Variants in TLN2 observed in about 807,000 individuals in gnomAD.
The protein encoded by TLN2 is talin-2.
In TLN2, 118 loss-of-function variants were observed where a neutral mutation model predicts 294.7. The observed-to-expected ratio is 0.40, with a 90% confidence interval of 0.34 to 0.47. The LOEUF (loss-of-function observed/expected upper bound fraction) is 0.47. Among genes scored for constraint, TLN2 ranks in the 20% least tolerant of loss-of-function variants. TLN2 has a pLI of 0.84. For synonymous variants in TLN2, 1,431 were observed against 1,304.5 expected (o/e 1.10, Z -2.09); for missense variants, 3,083 against 3,282.2 (o/e 0.94, Z 1.48).
chr15:62,827,372 G>A (rs1252532041), intron 54 of TLN2, among the ~76,000 whole-genome samples: 2 of 152,178 alleles, frequency 1.3e-5, no homozygotes, highest in Non-Finnish European at 2.9e-5. Context: ...GGTAGTTCCT[G>A]CTTATTTTAG....
intron 1 of TLN2, among the ~76,000 whole-genome samples, chr15:62,456,945 G>A (rs562739287): frequency 6.6e-6 from 1 of 152,224 alleles, no homozygotes; most frequent in East Asian, 1.9e-4. Flanking sequence ...TCAGGGTGGG[G>A]GAGAATTTGA....
Position 62,766,696 on chromosome 15 carries a change from C to T in TLN2, c.5196+274C>T, listed in dbSNP as rs561739263. Among the ~76,000 whole-genome samples the T allele has an allele frequency of 2.0e-5, 3 of 152,290 alleles. No individual in the cohort carries two copies. In the East Asian group the frequency reaches 5.8e-4, roughly 29 times the overall value. On this transcript the variant is annotated intron_variant, in intron 41 of 58. Coordinates refer to ENST00000636159, the MANE Select transcript of TLN2 (RefSeq NM_015059.3). ...AGAGATGTAATTTGGCATTTACAGTCATCCGTTGCAATCGACCTTTGCTGA... is the reference window on the plus strand; with the variant it reads ...AGAGATGTAATTTGGCATTTACAGTTATCCGTTGCAATCGACCTTTGCTGA...
chr15:62,417,856 G>T (rs562328673), intron 1 of TLN2, among the ~76,000 whole-genome samples: 2 of 152,142 alleles, frequency 1.3e-5, no homozygotes, highest in East Asian at 3.8e-4. Flanking sequence ...CCCTTTTACC[G>T]CTCTGGTCCC....
intron 42 of TLN2, among the ~76,000 whole-genome samples, chr15:62,772,007 G>C (rs574011352): frequency 6.6e-6 from 1 of 152,258 alleles, no homozygotes; most frequent in African/African-American, 2.4e-5. Flanking sequence ...TGCCCAGGCT[G>C]GTTATGAATT....
intron 1 of TLN2, among the ~76,000 whole-genome samples, chr15:62,502,879 A>G (rs550567858): frequency 2.6e-5 from 4 of 152,308 alleles, no homozygotes; most frequent in East Asian, 3.9e-4. Flanking sequence ...TTTGGTAACA[A>G]CTTTGAGGTG....
intron 52 of TLN2, among the ~76,000 whole-genome samples, chr15:62,813,319 A>T (rs1264307895): frequency 6.6e-6 from 1 of 152,174 alleles, no homozygotes; most frequent in Non-Finnish European, 1.5e-5. Context: ...GTATACAATT[A>T]TTGTCATTGT....
At chr15:62,589,489 G>C (rs1371517728) in intron 1 of TLN2, among the ~76,000 whole-genome samples, 198 bp from the exon 2 acceptor site, 1 of 152,114 alleles carries the variant, frequency 6.6e-6, no homozygotes, top group Non-Finnish European at 1.5e-5. Flanking sequence ...ACATAATTTT[G>C]GTCTTCAAAA....
At chr15:62,666,688 G>A (rs2054693867) in intron 9 of TLN2, among the ~76,000 whole-genome samples, 1 of 152,168 alleles carries the variant, frequency 6.6e-6, no homozygotes, top group Non-Finnish European at 1.5e-5. Flanking sequence ...GCGTTTCCCA[G>A]CTCACTCAGT....
intron 51 of TLN2, among the ~76,000 whole-genome samples, chr15:62,808,501 C>T (rs2066450964): frequency 6.6e-6 from 1 of 152,058 alleles, no homozygotes; most frequent in Admixed American, 6.6e-5. Context: ...TTAGTGGGTC[C>T]AATAGTATAA....
At chr15:62,440,956 G>A (rs924383650) in intron 1 of TLN2, among the ~76,000 whole-genome samples, 9 of 152,264 alleles carry the variant, frequency 5.9e-5, no homozygotes, top group Non-Finnish European at 1.3e-4. Context: ...TGGAAACAAA[G>A]CCAGGTTCTG....
intron 11 of TLN2, among the ~76,000 whole-genome samples, chr15:62,675,882 A>G (rs1567324307): frequency 6.6e-6 from 1 of 152,162 alleles, no homozygotes; most frequent in Non-Finnish European, 1.5e-5. Context: ...CACTTGACTG[A>G]CAAATCCTCT....
At chr15:62,528,670 C>CTTT (rs3055755) in intron 1 of TLN2, among the ~76,000 whole-genome samples, 13,056 of 96,732 alleles carry the variant, frequency 0.13, 1,421 homozygotes, top group East Asian at 0.38. Context: ...CCAGAGCTTG[C>CTTT]TTTTTTTTTT....
chr15:62,755,782 C>T, intron 37 of TLN2, 89 bp downstream of exon 37: 3 of 1,495,066 alleles, frequency 2.0e-6, no homozygotes, highest in Non-Finnish European at 2.7e-6. Context: ...CACTCCTCTC[C>T]TTGTCTAGTG....
intron 15 of TLN2, 80 bp downstream of exon 15, chr15:62,697,948 G>A: frequency 6.6e-7 from 1 of 1,511,514 alleles, no homozygotes; most frequent in Non-Finnish European, 8.9e-7. Flanking sequence ...GCGGTGATGG[G>A]CTGAGTGTTG....
chr15:62,747,579 A>C (rs1290675704), intron 32 of TLN2, among the ~76,000 whole-genome samples: 2 of 152,148 alleles, frequency 1.3e-5, no homozygotes, highest in Non-Finnish European at 2.9e-5. Flanking sequence ...AAGGGTCTTA[A>C]ATAGTGCTAA....
chr15:62,636,355 G>A (rs1213343095), intron 3 of TLN2, among the ~76,000 whole-genome samples: 3 of 152,098 alleles, frequency 2.0e-5, no homozygotes, highest in Non-Finnish European at 4.4e-5. Flanking sequence ...TAGAAAATGA[G>A]GAGCCTTTGG....
intron 1 of TLN2, among the ~76,000 whole-genome samples, chr15:62,567,695 C>T (rs925180264): frequency 2.0e-5 from 3 of 152,036 alleles, no homozygotes; most frequent in Non-Finnish European, 4.4e-5. Flanking sequence ...ATTACCCGGG[C>T]GTGATGGCGC....
chr15:62,691,418 C>G (rs2057901682), intron 12 of TLN2, among the ~76,000 whole-genome samples: 2 of 152,066 alleles, frequency 1.3e-5, no homozygotes, highest in Admixed American at 1.3e-4. Context: ...TTGCCTTTTT[C>G]AGTTCTGTAA....
Position 62,686,698 on chromosome 15 carries a change from T to G in TLN2, c.1015T>G (p.Ser339Ala), listed in dbSNP as rs1357748076. The G allele has an allele frequency of 1.2e-6, 2 of 1,613,998 alleles. No individual in the cohort carries two copies. Among genetic ancestry groups the G allele is most frequent in the Non-Finnish European group, 1.7e-6 (2 of 1,179,958 alleles). Residue 339 changes from serine to alanine, a missense_variant, in exon 12 of 59, where the codon TCG (serine) becomes GCG (alanine). Physicochemically the swap from Ser to Ala is moderately conservative, Grantham distance 99. Transcript: ENST00000636159. ...TCGCCTGCTGGGGATCACCAAAGAC[T>G]CGGTGATGCGCGTGGATGAGAAGAC... ...VPRLLGITKDSVMRVDEKTKE... is the reference protein window; with the variant it reads ...VPRLLGITKDAVMRVDEKTKE...
Sources: allele counts gnomAD v4.1 joint callset (sites outside exome capture counted in the v4.1 genomes callset), GRCh38; gene constraint gnomAD v4.1.1; transcripts MANE v1.5; gene names NCBI Gene and HGNC (gene_info 2026-07-23, HGNC 2026-07-21).